The following ZNF578 variants were observed in gnomAD, a reference collection of about 807,000 sequenced individuals.
The protein encoded by ZNF578 is Putative chemokine-related protein B42.
ZNF578 carries 8 observed loss-of-function variants against 8.3 expected under a neutral mutation model. The ratio of observed to expected loss-of-function variants is 0.96; its 90% confidence interval spans 0.56 to 1.74. The LOEUF (loss-of-function observed/expected upper bound fraction) is 1.74, where lower values mean the gene tolerates loss of function less well. Ranked by LOEUF, ZNF578 falls within the 40% of genes most tolerant of loss-of-function variation. The probability of loss-of-function intolerance (pLI) is 0.00; values close to 1 mark genes in which losing one functional copy is unlikely to be tolerated. For synonymous variants in ZNF578, 206 were observed against 232.2 expected (o/e 0.89, Z 1.03); for missense variants, 726 against 707.5 (o/e 1.03, Z -0.30).
chr19:52,473,955 T>C (rs561632685), intron 2 of ZNF578: 2 of 367,870 alleles, frequency 5.4e-6, no homozygotes, highest in South Asian at 5.4e-5. Flanking sequence ...GAATTGTGAC[T>C]AAAGATCTTA....
Position 52,510,936 on chromosome 19 carries a change from C to G in ZNF578, c.555C>G (p.Asn185Lys), listed in dbSNP as rs536104765. 2.5e-6 allele frequency: 4 copies of G among 1,614,202 alleles called. No homozygotes were observed. In the South Asian group the frequency reaches 4.4e-5, roughly 18 times the overall value. The stretch of plus-strand genomic sequence containing the variant: ...CTAATCAAGTGGAGAAGTCTGTCAA[C>G]GATGCTTCCTCAATTTCAACATCCC... The part of the protein sequence containing the change: ...KIANQVEKSV[N>K]DASSISTSQR... Residue 185 changes from asparagine to lysine, a missense_variant, in exon 6 of 6, where the codon AAC becomes AAG. By Grantham distance (94) the Asn-to-Lys change is moderately conservative. Coordinates refer to ENST00000421239, the MANE Select transcript of ZNF578 (RefSeq NM_001099694.2).
At chr19:52,498,196 G>T (rs141081860) in intron 3 of ZNF578, among the ~76,000 whole-genome samples, 1 of 151,954 alleles carries the variant, frequency 6.6e-6, no homozygotes, top group Admixed American at 6.6e-5. Flanking sequence ...TCGCTCTGTC[G>T]CCCAGGCTGG....
chr19:52,475,733 C>G (rs1347029169), intron 2 of ZNF578, among the ~76,000 whole-genome samples: 1 of 152,168 alleles, frequency 6.6e-6, no homozygotes, highest in African/African-American at 2.4e-5. Flanking sequence ...CAGAGAACTA[C>G]TTTCTGAGGC....
intron 2 of ZNF578, among the ~76,000 whole-genome samples, chr19:52,483,901 G>A (rs77646350): frequency 1.3e-5 from 2 of 151,448 alleles, no homozygotes; most frequent in African/African-American, 2.4e-5. Context: ...CAGGTGGAAC[G>A]AGAGACTTGA....
intron 2 of ZNF578, chr19:52,473,521 A>G (rs4340424): frequency 0.9 from 141,534 of 157,340 alleles, 64,260 homozygotes; most frequent in Non-Finnish European, 0.96. Context: ...TATGAAAGGC[A>G]AGGCTTGAAT....
At chr19:52,499,599 T>G (rs951627553) in intron 3 of ZNF578, among the ~76,000 whole-genome samples, 3 of 152,166 alleles carry the variant, frequency 2.0e-5, no homozygotes, top group African/African-American at 7.2e-5. Context: ...GGAAATACAT[T>G]ACATTATTTG....
chr19:52,482,183 A>G (rs1163910674), intron 2 of ZNF578, among the ~76,000 whole-genome samples: 1 of 152,140 alleles, frequency 6.6e-6, no homozygotes, highest in Non-Finnish European at 1.5e-5. Context: ...ACAGGCATGC[A>G]CCACAACGCC....
chr19:52,481,824 A>G (rs375274510), intron 2 of ZNF578, among the ~76,000 whole-genome samples: 28 of 152,188 alleles, frequency 1.8e-4, no homozygotes, highest in East Asian at 7.7e-4. Flanking sequence ...TTGACCTGCT[A>G]GGCTCAAGCA....
chr19:52,466,090 A>G (rs2059274215), intron 2 of ZNF578, among the ~76,000 whole-genome samples: 1 of 152,282 alleles, frequency 6.6e-6, no homozygotes, highest in Non-Finnish European at 1.5e-5. Flanking sequence ...ACTATTGTGT[A>G]CAATCACTTA....
At chr19:52,480,636 G>C (rs1331838113) in intron 2 of ZNF578, among the ~76,000 whole-genome samples, 1 of 151,830 alleles carries the variant, frequency 6.6e-6, no homozygotes, top group African/African-American at 2.4e-5. Context: ...AGTGGCTCAT[G>C]CCTATAATCC....
intron 2 of ZNF578, among the ~76,000 whole-genome samples, chr19:52,488,480 G>C (rs1390948276): frequency 1.3e-5 from 2 of 151,516 alleles, no homozygotes; most frequent in Admixed American, 6.6e-5. Context: ...GTGGTGGCGG[G>C]CTCCTGTAGT....
rs1458814836 is a variant in ZNF578 at position 52,511,709 on chromosome 19, C to G, written c.1328C>G (p.Ala443Gly). ...GKAFIHQSSLARHHRLHTGEK... is the reference protein window; with the variant it reads ...GKAFIHQSSLGRHHRLHTGEK... ...GCTTTTATTCATCAGTCAAGCCTTG[C>G]ACGTCATCATAGACTTCATACTGGA... The change falls in exon 6 of 6, where the codon GCA becomes GGA. Residue 443 changes from alanine (A) to glycine (G), a missense_variant. By Grantham distance (60) the Ala-to-Gly change is moderately conservative. Coordinates refer to ENST00000421239, the MANE Select transcript of ZNF578 (RefSeq NM_001099694.2). 6.2e-7 allele frequency: 1 copy of G among 1,613,404 alleles called. No individual in the cohort carries two copies. Among genetic ancestry groups the G allele is most frequent in the Non-Finnish European group, 8.5e-7 (1 of 1,179,938 alleles).
rs902110918 is a variant in ZNF578 at position 52,467,458 on chromosome 19, A to T, written c.-122+10500A>T. On this transcript the variant is annotated intron_variant, in intron 2 of 5. Coordinates refer to ENST00000421239, the MANE Select transcript of ZNF578 (RefSeq NM_001099694.2). ...AAAAAAATAAAATAAAATAAAATAA[A>T]TAAAAAATTTAGCTGAGCGTGGTGG... Among the ~76,000 whole-genome samples, 25 of 152,232 alleles carry T rather than the reference A, an allele frequency of 1.6e-4. No homozygotes were observed. The South Asian group carries it at 2.3e-3, about 14-fold the overall frequency.
At chr19:52,483,956 G>A (rs1174493413) in intron 2 of ZNF578, among the ~76,000 whole-genome samples, 2 of 149,906 alleles carry the variant, frequency 1.3e-5, no homozygotes, top group African/African-American at 2.5e-5. Flanking sequence ...AAGAAAAGCG[G>A]GCCCAGGGAA....
intron 2 of ZNF578, among the ~76,000 whole-genome samples, chr19:52,465,878 G>A (rs191748390): frequency 5.7e-4 from 87 of 152,328 alleles, no homozygotes; most frequent in African/African-American, 1.9e-3. Context: ...ACACGCTTGA[G>A]CGTTCCTTTA....
intron 3 of ZNF578, among the ~76,000 whole-genome samples, chr19:52,496,146 G>A (rs1220136887): frequency 1.3e-5 from 2 of 150,494 alleles, no homozygotes; most frequent in Non-Finnish European, 3.0e-5. Flanking sequence ...AGCCTCCCGA[G>A]CAGCTGGGAT....
chr19:52,487,939 T>A lies in ZNF578; in HGVS notation c.-121-3385T>A, dbSNP rs975164192. Among the ~76,000 whole-genome samples the A allele has an allele frequency of 6.8e-5, 10 of 146,576 alleles. No individual in the cohort carries two copies. In the South Asian group the frequency reaches 1.3e-3, roughly 19 times the overall value. On this transcript the variant is annotated intron_variant, in intron 2 of 5. Coordinates refer to ENST00000421239, the MANE Select transcript of ZNF578 (RefSeq NM_001099694.2). ...GATTACAGGGATGGCCCGTGGCATC[T>A]GGCCTACATAGCCCCCCCCCCTTTT...
At chr19:52,482,288 C>T (rs1421544717) in intron 2 of ZNF578, among the ~76,000 whole-genome samples, 2 of 152,162 alleles carry the variant, frequency 1.3e-5, no homozygotes, top group African/African-American at 4.8e-5. Context: ...CCCACCTGGG[C>T]CTCCCAAAGT....
intron 5 of ZNF578, among the ~76,000 whole-genome samples, chr19:52,505,765 G>A (rs2059423577): frequency 6.6e-6 from 1 of 152,108 alleles, no homozygotes; most frequent in African/African-American, 2.4e-5. Context: ...TCAGTTTGTT[G>A]TAGGGTCAAC....
Sources: allele counts gnomAD v4.1 joint callset (sites outside exome capture counted in the v4.1 genomes callset), GRCh38; gene constraint gnomAD v4.1.1; transcripts MANE v1.5; gene names NCBI Gene and HGNC (gene_info 2026-07-23, HGNC 2026-07-21).